The following CD40LG variants were observed in gnomAD, a reference collection of about 807,000 sequenced individuals.
CD40LG encodes CD40 antigen ligand.
A neutral mutation model predicts 17.2 loss-of-function variants in CD40LG; 1 was observed. The observed-to-expected ratio is 0.06, with a 90% CI of 0.02 to 0.28. The LOEUF (loss-of-function observed/expected upper bound fraction) is 0.28, where lower values mean the gene tolerates loss of function less well. CD40LG is among the 10% of genes least tolerant of loss of function. The pLI, the probability that CD40LG is intolerant of heterozygous loss-of-function variation, is 1.00. For missense variants in CD40LG, 133 were observed against 193.2 expected, an observed-to-expected ratio of 0.69 and a Z score of 1.85; for synonymous variants, 66 against 74.4, an observed-to-expected ratio of 0.89 and a Z score of 0.58.
rs780039356 is a variant in CD40LG at position 136,659,450 on chromosome X, G to A, written c.*35G>A. ...CCTTGCAGGCTGTGGTGGAGCTGACGCTGGGAGTCTTCATAATACAGCACA... is the reference window on the plus strand; with the variant it reads ...CCTTGCAGGCTGTGGTGGAGCTGACACTGGGAGTCTTCATAATACAGCACA... On this transcript the variant is annotated 3_prime_UTR_variant, in exon 5 of 5. Transcript: ENST00000370629. The A allele has an allele frequency of 5.9e-5, 71 of 1,195,439 alleles. No homozygotes were observed. The highest frequency in any genetic ancestry group is 1.4e-4 in the African/African-American group (8 of 56,982).
In CD40LG at chrX:136,659,488, AC is replaced by A. The variant is rs1192344478; in HGVS notation, c.*78del. 40 of 1,063,278 alleles carry A rather than the reference AC, an allele frequency of 3.8e-5. No individual in the cohort carries two copies. The Middle Eastern group carries it at 1.1e-3, about 29-fold the overall frequency. The allele number at this position is 1,063,278 out of a possible 1,213,427, so 87.6% of individuals were successfully genotyped here. On this transcript the variant is annotated 3_prime_UTR_variant, in exon 5 of 5. Coordinates refer to ENST00000370629, the MANE Select transcript of CD40LG (RefSeq NM_000074.3). ...ATAATACAGCACAGCGGTTAAGCCC[AC>A]CCCCTGTTAACTGCCTATTTATAAC...
At chrX:136,656,787 C>T (rs956777036) in intron 4 of CD40LG, among the ~76,000 whole-genome samples, 21 of 111,626 alleles carry the variant, frequency 1.9e-4, no homozygotes, top group African/African-American at 5.9e-4. Context: ...GGAAATGGGC[C>T]TCATGGGGTA....
In CD40LG at chrX:136,659,420, T is replaced by C. The variant is rs1365186181; in HGVS notation, c.*5T>C. 1.5e-5 allele frequency: 18 copies of C among 1,208,187 alleles called. No homozygotes were observed. Among genetic ancestry groups the C allele is most frequent in the Non-Finnish European group, 1.9e-5 (17 of 894,693 alleles). On this transcript the variant is annotated 3_prime_UTR_variant, in exon 5 of 5. Coordinates refer to ENST00000370629, the MANE Select transcript of CD40LG (RefSeq NM_000074.3). Reference sequence around the variant, plus strand: ...TTTGGCTTACTCAAACTCTGAACAGTGTCACCTTGCAGGCTGTGGTGGAGC... The same window carrying C: ...TTTGGCTTACTCAAACTCTGAACAGCGTCACCTTGCAGGCTGTGGTGGAGC...
intron 1 of CD40LG, among the ~76,000 whole-genome samples, chrX:136,648,629 T>C (rs2076095812): frequency 8.9e-6 from 1 of 111,769 alleles, no homozygotes; most frequent in Non-Finnish European, 1.9e-5. Context: ...GCCCATACCA[T>C]CTCTGTTATC....
chrX:136,652,730 T>C (rs1171908964), intron 2 of CD40LG, among the ~76,000 whole-genome samples: 1 of 111,312 alleles, frequency 9.0e-6, no homozygotes, highest in Non-Finnish European at 1.9e-5. Flanking sequence ...TATTAAAACT[T>C]ACAACCCACC....
chrX:136,656,227 C>T (rs2076118539), intron 3 of CD40LG, 129 bp from the exon 4 acceptor site: 1 of 553,368 alleles, frequency 1.8e-6, no homozygotes, highest in Non-Finnish European at 3.2e-6. Flanking sequence ...GATGTCAGAC[C>T]ATTTTATCTT....
chrX:136,653,147 T>G (rs766613992), intron 2 of CD40LG, among the ~76,000 whole-genome samples: 5 of 112,577 alleles, frequency 4.4e-5, no homozygotes, highest in African/African-American at 1.6e-4. Context: ...AATAGTCATT[T>G]GTTTACTTGT....
intron 3 of CD40LG, among the ~76,000 whole-genome samples, 168 bp downstream of exon 3, chrX:136,654,598 G>A (rs981484035): frequency 2.7e-4 from 30 of 111,563 alleles, no homozygotes; most frequent in African/African-American, 9.5e-4. Flanking sequence ...CTGTGATTTG[G>A]AAAGACTTTG....
intron 3 of CD40LG, among the ~76,000 whole-genome samples, chrX:136,655,028 T>C (rs1022899770): frequency 2.2e-4 from 24 of 111,309 alleles, no homozygotes; most frequent in South Asian, 1.5e-3. Flanking sequence ...ACCTTCCACC[T>C]CATAAGGCAG....
Position 136,659,492 on chromosome X carries a change from C to T in CD40LG, c.*77C>T. 1 of 1,009,861 alleles carries T rather than the reference C, an allele frequency of 9.9e-7. No individual in the cohort carries two copies. The highest frequency in any genetic ancestry group is 1.4e-6 in the Non-Finnish European group (1 of 724,416). The allele number at this position is 1,009,861 out of a possible 1,213,427, so 83.2% of individuals were successfully genotyped here. On this transcript the variant is annotated 3_prime_UTR_variant, in exon 5 of 5. Transcript: ENST00000370629. ...TACAGCACAGCGGTTAAGCCCACCC[C>T]CTGTTAACTGCCTATTTATAACCCT...
chrX:136,651,427 C>A (rs1301310188), intron 2 of CD40LG, among the ~76,000 whole-genome samples: 1 of 111,576 alleles, frequency 9.0e-6, no homozygotes, highest in Non-Finnish European at 1.9e-5. Flanking sequence ...CTTATTTCTG[C>A]CCTCCTGTAC....
rs994784222 is a variant in CD40LG, at chrX:136,648,525, T to C, written c.156+121T>C. 5.5e-5 allele frequency: 36 copies of C among 659,341 alleles called. 1 individual carries two copies. The East Asian group carries it at 1.1e-3, about 21-fold the overall frequency. The allele number at this position is 659,341 out of a possible 1,213,427, so 54.3% of individuals were successfully genotyped here. ...ATAGAAGAATGGTCTTGTGGCATAA[T>C]GTTTGTTGCCTAGTCAATGAAGTCT... On this transcript the variant is annotated intron_variant, in intron 1 of 4. Coordinates refer to ENST00000370629, the MANE Select transcript of CD40LG (RefSeq NM_000074.3).
At chrX:136,649,061 G>A (rs1326364350) in intron 1 of CD40LG, among the ~76,000 whole-genome samples, 1 of 112,397 alleles carries the variant, frequency 8.9e-6, no homozygotes, top group Admixed American at 9.4e-5. Context: ...AGGAACAAAA[G>A]AGCAGAGTAA....
chrX:136,650,549 A>G (rs1186876689), intron 2 of CD40LG, 152 bp downstream of exon 2: 3 of 488,769 alleles, frequency 6.1e-6, no homozygotes, highest in Non-Finnish European at 1.1e-5. Context: ...ATATACACAC[A>G]TACATGGGTG....
intron 3 of CD40LG, 108 bp from the exon 4 acceptor site, chrX:136,656,248 T>A (rs1441128579): frequency 1.7e-6 from 1 of 605,615 alleles, no homozygotes; most frequent in Non-Finnish European, 2.9e-6. Flanking sequence ...TCCTTTTATA[T>A]AATCTATTTT....
intron 1 of CD40LG, among the ~76,000 whole-genome samples, chrX:136,648,701 T>C (rs778690154): frequency 3.6e-4 from 40 of 112,055 alleles, no homozygotes; most frequent in African/African-American, 1.3e-3. Context: ...GTCCATTTCA[T>C]AGATTAAGTG....
chrX:136,658,898 C>A, intron 4 of CD40LG, 141 bp from the exon 5 acceptor site: 2 of 642,891 alleles, frequency 3.1e-6, no homozygotes, highest in Non-Finnish European at 5.0e-6. Flanking sequence ...ATGGCTCTGT[C>A]TGACTCTGAA....
At chrX:136,650,137 T>G (rs1603319666) in intron 1 of CD40LG, 129 bp from the exon 2 acceptor site, 1 of 504,074 alleles carries the variant, frequency 2.0e-6, no homozygotes, top group East Asian at 3.4e-5. Context: ...TATAATAACT[T>G]ATTATTCTCC....
chrX:136,652,701 T>C (rs1178507826), intron 2 of CD40LG, among the ~76,000 whole-genome samples: 1 of 111,307 alleles, frequency 9.0e-6, no homozygotes, highest in Non-Finnish European at 1.9e-5. Flanking sequence ...GAGGTATTAT[T>C]TTGAATAGTA....
Sources: allele counts gnomAD v4.1 joint callset (sites outside exome capture counted in the v4.1 genomes callset), GRCh38; gene constraint gnomAD v4.1.1; transcripts MANE v1.5; gene names NCBI Gene and HGNC (gene_info 2026-07-23, HGNC 2026-07-21).